Variants in ESS2 observed in about 807,000 individuals in gnomAD.
The protein encoded by ESS2 is splicing factor ESS-2 homolog.
A neutral mutation model predicts 52.0 loss-of-function variants in ESS2; 31 were observed. The observed-to-expected ratio is 0.60, with a 90% CI of 0.45 to 0.81. The LOEUF (loss-of-function observed/expected upper bound fraction) is 0.81, where lower values mean the gene tolerates loss of function less well. Ranked by LOEUF, ESS2 falls within the 30% of genes least tolerant of loss-of-function variation. The pLI is 0.00. For synonymous variants in ESS2, 285 were observed against 259.2 expected, an observed-to-expected ratio of 1.10 and a Z score of -0.95; for missense variants, 602 against 637.2, an observed-to-expected ratio of 0.94 and a Z score of 0.59.
chr22:19,131,725 A>G lies in ESS2; in HGVS notation c.*2471T>C, dbSNP rs578032561. On this transcript the variant is annotated 3_prime_UTR_variant, in exon 10 of 10. Transcript: ENST00000252137. This position sits in a 1 kb window ranked among gnomAD's most constrained non-coding sequence, Gnocchi z 5.7. ...TTCATCAAGTGCCAGGGAGCCCTGC[A>G]TGAGGACGTGGCACGCAAGATGTTC... 10 of 1,614,076 alleles carry G rather than the reference A, an allele frequency of 6.2e-6. No homozygotes were observed. The African/African-American group carries it at 1.3e-4, about 22-fold the overall frequency.
chr22:19,135,788 G>A (rs755250413), intron 8 of ESS2, among the ~76,000 whole-genome samples: 1 of 152,138 alleles, frequency 6.6e-6, no homozygotes, highest in Non-Finnish European at 1.5e-5. Context: ...AGCACTTTGG[G>A]AGGCCAAGGT....
chr22:19,144,259 C>G, intron 1 of ESS2: 2 of 1,278,228 alleles, frequency 1.6e-6, no homozygotes, highest in Non-Finnish European at 2.0e-6. Flanking sequence ...AACAGAAAAT[C>G]TTCTTTCCCT....
chr22:19,140,286 T>G (rs191934980), intron 3 of ESS2, among the ~76,000 whole-genome samples: 50 of 152,252 alleles, frequency 3.3e-4, no homozygotes, highest in Admixed American at 3.1e-3. Context: ...CCAAGGGAAT[T>G]ACGTGGTCTG....
At chr22:19,135,379 C>T (rs943655041) in intron 8 of ESS2, among the ~76,000 whole-genome samples, 4 of 152,240 alleles carry the variant, frequency 2.6e-5, no homozygotes, top group Admixed American at 2.0e-4. Context: ...CACCTGTCTT[C>T]GTGTTCCTCC....
In ESS2 at chr22:19,131,889, G is replaced by C. The variant is rs770266307; in HGVS notation, c.*2307C>G. On this transcript the variant is annotated 3_prime_UTR_variant, in exon 10 of 10. Coordinates refer to ENST00000252137, the MANE Select transcript of ESS2 (RefSeq NM_022719.3). This position sits in a 1 kb window ranked among gnomAD's most constrained non-coding sequence, Gnocchi z 5.7. ...TGGCTTCTCCAAGCGCTGCCTGCGG[G>C]ACAGCAATGGGCGCATCATCCTCAG... 1 of 1,614,140 alleles carries C rather than the reference G, an allele frequency of 6.2e-7. No homozygotes were observed. Among genetic ancestry groups the C allele is most frequent in the South Asian group, 1.1e-5 (1 of 91,082 alleles).
In ESS2 at chr22:19,131,321, A is replaced by T; in HGVS notation, c.*2875T>A. On this transcript the variant is annotated 3_prime_UTR_variant, in exon 10 of 10. Coordinates refer to ENST00000252137, the MANE Select transcript of ESS2 (RefSeq NM_022719.3). The surrounding 1 kb of genome is among the most constrained non-coding windows in gnomAD (Gnocchi z 5.7). ...GGCAGCCCAGCCAGACGCCTCCGGTAGTGTAAATGAGGACAATGCCTGCTG... is the reference window on the plus strand; with the variant it reads ...GGCAGCCCAGCCAGACGCCTCCGGTTGTGTAAATGAGGACAATGCCTGCTG... 7.8e-7 allele frequency: 1 copy of T among 1,278,288 alleles called. No individual in the cohort carries two copies. The highest frequency in any genetic ancestry group is 1.1e-6 in the Non-Finnish European group (1 of 913,094). 79.2% of individuals were successfully genotyped at this position (1,278,288 alleles called of 1,614,324 possible).
intron 3 of ESS2, among the ~76,000 whole-genome samples, chr22:19,140,450 ACTCTT>A (rs563569224): frequency 1.0e-3 from 155 of 150,868 alleles, no homozygotes; most frequent in Non-Finnish European, 1.8e-3. Flanking sequence ...TACCTTACCC[ACTCTT>A]CTCTTCCTGG....
intron 1 of ESS2, 104 bp downstream of exon 1, chr22:19,144,402 T>C (rs1417333905): frequency 2.4e-5 from 38 of 1,569,986 alleles, no homozygotes; most frequent in Non-Finnish European, 3.0e-5. Flanking sequence ...GCTCCTCCAC[T>C]TCCACGAGGA....
rs987980799 is a variant in ESS2, at chr22:19,139,703, C to T, written c.597G>A (p.Pro199=). 5 of 1,614,170 alleles carry T rather than the reference C, an allele frequency of 3.1e-6. No individual in the cohort carries two copies. The highest frequency in any genetic ancestry group is 1.3e-5 in the African/African-American group (1 of 75,036). ...EKRQKDNLEL[P]SAEHQAIESS... The stretch of plus-strand genomic sequence containing the variant: ...TCTCGATGGCCTGGTGCTCTGCTGA[C>T]GGGAGTTCGAGATTATCTTTCTGCC... Residue 199 remains proline (P), a synonymous_variant, in exon 5 of 10, where the codon CCG becomes CCA. Transcript: ENST00000252137.
intron 9 of ESS2, among the ~76,000 whole-genome samples, chr22:19,134,820 C>A (rs1307058705): frequency 6.6e-6 from 1 of 152,278 alleles, no homozygotes; most frequent in East Asian, 1.9e-4. Flanking sequence ...CCTAAAGATG[C>A]CTCTTAGGGA....
chr22:19,134,832 G>A (rs532520949), intron 9 of ESS2, among the ~76,000 whole-genome samples: 10 of 152,272 alleles, frequency 6.6e-5, no homozygotes, highest in African/African-American at 1.7e-4. Flanking sequence ...TCTTAGGGAC[G>A]GGTCAAAGAG....
chr22:19,132,497 G>A lies in ESS2; in HGVS notation c.*1699C>T. The A allele has an allele frequency of 6.3e-7, 1 of 1,583,466 alleles. No homozygotes were observed. The highest frequency in any genetic ancestry group is 8.6e-7 in the Non-Finnish European group (1 of 1,161,860). ...CCTAGCATGACAATGGCCCCGTTGTGTGTGGTGGGGGTCGGGGTTGGGGGG... is the reference window on the plus strand; with the variant it reads ...CCTAGCATGACAATGGCCCCGTTGTATGTGGTGGGGGTCGGGGTTGGGGGG... On this transcript the variant is annotated 3_prime_UTR_variant, in exon 10 of 10. Coordinates refer to ENST00000252137, the MANE Select transcript of ESS2 (RefSeq NM_022719.3). This position sits in a 1 kb window ranked among gnomAD's most constrained non-coding sequence, Gnocchi z 4.2.
At chr22:19,134,898 T>TGCTCTGGATAGAGGAGCTGCCAC (rs2146090354) in intron 9 of ESS2, among the ~76,000 whole-genome samples, 162 bp downstream of exon 9, 1 of 152,288 alleles carries the variant, frequency 6.6e-6, no homozygotes, top group Admixed American at 6.5e-5. Context: ...TGTGCGGCCA[T>TGCTCTGGATAGAGGAGCTGCCAC]GCTCTGGATA....
At chr22:19,134,511 G>T in intron 9 of ESS2, 36 bp from the exon 10 acceptor site, 1 of 1,491,710 alleles carries the variant, frequency 6.7e-7, no homozygotes. Context: ...GGCAGGGTTA[G>T]GTGGGCTGAG....
At chr22:19,137,689 C>T (rs114800053) in intron 7 of ESS2, 2 of 973,782 alleles carry the variant, frequency 2.1e-6, no homozygotes, top group Non-Finnish European at 2.4e-6. Flanking sequence ...AGGTCTCCCC[C>T]AGCCACGCAG....
rs142708655 is a variant in ESS2, at chr22:19,131,739, C to T, written c.*2457G>A. On this transcript the variant is annotated 3_prime_UTR_variant, in exon 10 of 10. Coordinates refer to ENST00000252137, the MANE Select transcript of ESS2 (RefSeq NM_022719.3). The surrounding 1 kb of genome is among the most constrained non-coding windows in gnomAD (Gnocchi z 5.7). ...GGGAGCCCTGCATGAGGACGTGGCA[C>T]GCAAGATGTTCCGACAGCTCTCCTC... 1.1e-4 allele frequency: 173 copies of T among 1,614,092 alleles called. No homozygotes were observed. In the African/African-American group the frequency reaches 1.7e-3, roughly 16 times the overall value.
rs1041017707 is a variant in ESS2 at position 19,131,078 on chromosome 22, G to C, written c.*3118C>G. Reference sequence around the variant, plus strand: ...TTGTGACAGGGAAACCAATGCAGCAGCAGCAGGGCCACCAGAGTCCTGTCC... The same window carrying C: ...TTGTGACAGGGAAACCAATGCAGCACCAGCAGGGCCACCAGAGTCCTGTCC... On this transcript the variant is annotated 3_prime_UTR_variant, in exon 10 of 10. Transcript: ENST00000252137. This position sits in a 1 kb window ranked among gnomAD's most constrained non-coding sequence, Gnocchi z 5.7. 6.8e-6 allele frequency: 2 copies of C among 295,872 alleles called. No individual in the cohort carries two copies. Among genetic ancestry groups the C allele is most frequent in the African/African-American group, 4.3e-5 (2 of 46,096 alleles). 18.3% of individuals were successfully genotyped at this position (295,872 alleles called of 1,614,324 possible). A position where few individuals can be genotyped will look rare whatever the true frequency, so the allele number is the denominator to read the frequency against.
intron 1 of ESS2, chr22:19,144,259 C>T (rs753243365): frequency 2.9e-5 from 37 of 1,278,110 alleles, no homozygotes; most frequent in Admixed American, 3.9e-5. Flanking sequence ...AACAGAAAAT[C>T]TTCTTTCCCT....
chr22:19,131,861 CTT>C lies in ESS2; in HGVS notation c.*2333_*2334del. 6.2e-7 allele frequency: 1 copy of C among 1,614,192 alleles called. No homozygotes were observed. Among genetic ancestry groups the C allele is most frequent in the Non-Finnish European group, 8.5e-7 (1 of 1,180,034 alleles). On this transcript the variant is annotated 3_prime_UTR_variant, in exon 10 of 10. Transcript: ENST00000252137. This position sits in a 1 kb window ranked among gnomAD's most constrained non-coding sequence, Gnocchi z 5.7. Reference sequence around the variant, plus strand: ...AGGACTTCAACATCAAGCTGTCTGACTTTGGCTTCTCCAAGCGCTGCCTGCGG... The same window carrying C: ...AGGACTTCAACATCAAGCTGTCTGACTGGCTTCTCCAAGCGCTGCCTGCGG...
Sources: gnomAD v4.1 joint callset for allele counts (sites outside exome capture counted in the v4.1 genomes callset) on GRCh38, gnomAD v4.1.1 for gene constraint, Gnocchi (gnomAD v3.1) non-coding constraint, MANE v1.5 for transcripts, NCBI Gene and HGNC (gene_info 2026-07-23, HGNC 2026-07-21) for gene names.